Variants in SCMH1 observed in about 807,000 individuals in gnomAD.
SCMH1 encodes the protein polycomb protein SCMH1.
SCMH1 carries 37 observed loss-of-function variants against 70.8 expected under a neutral mutation model. The ratio of observed to expected loss-of-function variants is 0.52; its 90% confidence interval spans 0.40 to 0.69. SCMH1 has a LOEUF of 0.69. Among genes scored for constraint, SCMH1 ranks in the 30% least tolerant of loss-of-function variants. The pLI is 0.00. For missense variants in SCMH1, 607 were observed against 827.3 expected (o/e 0.73, Z 3.27); for synonymous variants, 292 against 307.4 (o/e 0.95, Z 0.52).
intron 10 of SCMH1, among the ~76,000 whole-genome samples, chr1:41,055,358 C>G (rs186798462): frequency 6.6e-6 from 1 of 151,120 alleles, no homozygotes; most frequent in East Asian, 2.0e-4. Context: ...TTCGGAATTT[C>G]TTTTTTTTTG....
chr1:41,048,632 C>G (rs936815138), intron 11 of SCMH1, 58 bp downstream of exon 11: 1 of 1,491,088 alleles, frequency 6.7e-7, no homozygotes, highest in African/African-American at 1.4e-5. Flanking sequence ...AAGAAATCAA[C>G]CAGTTGAGAA....
exon 15 of SCMH1, chr1:41,028,112 C>A: frequency 6.4e-7 from 1 of 1,565,732 alleles, no homozygotes; most frequent in Non-Finnish European, 8.7e-7. Context: ...CACTGAGGTG[C>A]CTGGGGTGGG....
rs536386364 is a variant in SCMH1 at position 41,190,526 on chromosome 1, G to A, written c.-117-4276C>T. On this transcript the variant is annotated intron_variant, in intron 1 of 14. Coordinates refer to ENST00000337495, the Ensembl canonical transcript of SCMH1. The stretch of plus-strand genomic sequence containing the variant: ...AAAGCAGAGGTAAAATAACCTATTG[G>A]TGAAGATACTAAATCATTAGGAGGA... Among the ~76,000 whole-genome samples, 5 of 152,306 alleles carry A rather than the reference G, an allele frequency of 3.3e-5. No individual in the cohort carries two copies. In the East Asian group the frequency reaches 9.6e-4, roughly 29 times the overall value.
intron 2 of SCMH1, among the ~76,000 whole-genome samples, chr1:41,171,289 A>G (rs1010835617): frequency 6.6e-6 from 1 of 152,156 alleles, no homozygotes; most frequent in African/African-American, 2.4e-5. Flanking sequence ...TTTACTCTGG[A>G]TATTGATTTG....
intron 8 of SCMH1, among the ~76,000 whole-genome samples, chr1:41,085,836 TGC>T (rs1345042247): frequency 2.2e-5 from 3 of 136,616 alleles, no homozygotes. Context: ...TAATTTCACC[TGC>T]TTTTTTTTTT....
intron 13 of SCMH1, among the ~76,000 whole-genome samples, chr1:41,030,377 C>T (rs562891764): frequency 3.9e-5 from 6 of 152,196 alleles, no homozygotes; most frequent in Non-Finnish European, 8.8e-5. Flanking sequence ...TTCCTACCTT[C>T]GGCCTCATTT....
At chr1:41,115,303 A>C (rs1469287945) in intron 7 of SCMH1, among the ~76,000 whole-genome samples, 2 of 152,240 alleles carry the variant, frequency 1.3e-5, no homozygotes, top group African/African-American at 2.4e-5. Context: ...TTCCAATTTT[A>C]CCATGTAATT....
chr1:41,239,419 C>CT (rs1663049077), intron 1 of SCMH1, among the ~76,000 whole-genome samples: 1 of 152,196 alleles, frequency 6.6e-6, no homozygotes, highest in African/African-American at 2.4e-5. Flanking sequence ...AACTCCTAGG[C>CT]TAGTCTAAGT....
chr1:41,177,361 C>T (rs1178810299), intron 2 of SCMH1, among the ~76,000 whole-genome samples: 2 of 152,178 alleles, frequency 1.3e-5, no homozygotes, highest in African/African-American at 4.8e-5. Context: ...ACACAGCTCC[C>T]CACCAGCAAT....
intron 10 of SCMH1, among the ~76,000 whole-genome samples, chr1:41,053,701 G>A (rs1649109235): frequency 6.6e-6 from 1 of 152,232 alleles, no homozygotes; most frequent in African/African-American, 2.4e-5. Context: ...ATAGGGTGCT[G>A]CAGTAACAAA....
At chr1:41,152,570 C>G in intron 4 of SCMH1, 1 of 1,612,050 alleles carries the variant, frequency 6.2e-7, no homozygotes, top group African/African-American at 1.3e-5. Context: ...AAAGGTTAAA[C>G]CAATTACCAG....
chr1:41,090,864 C>G (rs1233988244), intron 8 of SCMH1, among the ~76,000 whole-genome samples: 2 of 151,794 alleles, frequency 1.3e-5, no homozygotes, highest in African/African-American at 2.4e-5. Context: ...ACGGTGAAAC[C>G]CCATCTCTAC....
chr1:41,202,340 T>C (rs1654557907), intron 1 of SCMH1, among the ~76,000 whole-genome samples: 1 of 152,062 alleles, frequency 6.6e-6, no homozygotes, highest in Non-Finnish European at 1.5e-5. Flanking sequence ...AGCCTTTTTT[T>C]TTTTTCCCTC....
At chr1:41,186,432 T>C (rs1557769910) in intron 1 of SCMH1, among the ~76,000 whole-genome samples, 182 bp from the exon 2 acceptor site, 1 of 152,224 alleles carries the variant, frequency 6.6e-6, no homozygotes, top group Non-Finnish European at 1.5e-5. Flanking sequence ...ACAGGTTGAA[T>C]TTAATTAAGC....
chr1:41,029,408 C>G (rs1380748203), intron 13 of SCMH1, among the ~76,000 whole-genome samples: 5 of 152,194 alleles, frequency 3.3e-5, no homozygotes, highest in African/African-American at 9.6e-5. Flanking sequence ...CCATGTTGGC[C>G]TGGCTGGTCT....
At chr1:41,099,604 G>A (rs1414959701) in intron 8 of SCMH1, among the ~76,000 whole-genome samples, 1 of 152,220 alleles carries the variant, frequency 6.6e-6, no homozygotes, top group South Asian at 2.1e-4. Flanking sequence ...TTAGGTTCAA[G>A]TCCTTGCAAA....
At chr1:41,105,129 T>C (rs1342395117) in intron 8 of SCMH1, among the ~76,000 whole-genome samples, 1 of 151,866 alleles carries the variant, frequency 6.6e-6, no homozygotes. Context: ...CTAATTTTTT[T>C]TTTTTTTGTA....
At chr1:41,051,980 G>A (rs1648340354) in intron 10 of SCMH1, among the ~76,000 whole-genome samples, 1 of 152,118 alleles carries the variant, frequency 6.6e-6, no homozygotes, top group African/African-American at 2.4e-5. Flanking sequence ...TCCATTCACG[G>A]TAAGTACCCT....
intron 2 of SCMH1, among the ~76,000 whole-genome samples, chr1:41,182,041 C>T (rs1648932801): frequency 6.6e-6 from 1 of 152,164 alleles, no homozygotes; most frequent in South Asian, 2.1e-4. Flanking sequence ...GAGTTCATGT[C>T]CTTTGTAGGG....
Sources: allele counts gnomAD v4.1 joint callset (sites outside exome capture counted in the v4.1 genomes callset), GRCh38; gene constraint gnomAD v4.1.1; transcripts MANE v1.5; gene names NCBI Gene and HGNC (gene_info 2026-07-23, HGNC 2026-07-21).